GDAP1: variants seen among roughly 807,000 people sequenced by gnomAD.
The protein encoded by GDAP1 is ganglioside induced differentiation associated protein 1.
Under a neutral mutation model 40.1 loss-of-function variants are expected in GDAP1, and 34 were observed. That is an observed-to-expected ratio of 0.85 (90% CI 0.64 to 1.13). The LOEUF (loss-of-function observed/expected upper bound fraction) is 1.13, where lower values mean the gene tolerates loss of function less well. Among genes scored for constraint, GDAP1 ranks in the 50% most tolerant of loss-of-function variants. The probability of loss-of-function intolerance (pLI) is 0.00; values close to 1 mark genes in which losing one functional copy is unlikely to be tolerated. For missense variants in GDAP1, 374 were observed against 433.7 expected (o/e 0.86, Z 1.22); for synonymous variants, 170 against 157.4 (o/e 1.08, Z -0.60).
chr8:74,460,986 G>A, intron 2 of GDAP1, among the ~76,000 whole-genome samples: 1 of 151,930 alleles, frequency 6.6e-6, no homozygotes, highest in East Asian at 1.9e-4. Context: ...CTTGTATTGG[G>A]AGAGGGTATT....
chr8:74,409,614 A>G (rs988077280), intron 2 of GDAP1, among the ~76,000 whole-genome samples: 4 of 149,824 alleles, frequency 2.7e-5, no homozygotes, highest in Non-Finnish European at 2.9e-5. Context: ...CAGCCTCCCA[A>G]TGTTCTGCAA....
chr8:74,378,830 C>A (rs1433743052), intron 2 of GDAP1, among the ~76,000 whole-genome samples: 2 of 152,174 alleles, frequency 1.3e-5, no homozygotes, highest in Admixed American at 1.3e-4. Context: ...ACTGAACAAC[C>A]ACACAACCCA....
chr8:74,427,158 G>A (rs879464705), intron 2 of GDAP1, among the ~76,000 whole-genome samples: 3 of 152,190 alleles, frequency 2.0e-5, no homozygotes, highest in African/African-American at 4.8e-5. Context: ...GAAGAAGCCT[G>A]TATTGGCCTG....
At chr8:74,407,006 C>T (rs1805649345) in intron 2 of GDAP1, among the ~76,000 whole-genome samples, 1 of 149,488 alleles carries the variant, frequency 6.7e-6, no homozygotes, top group South Asian at 2.1e-4. Flanking sequence ...ATAATTTTGT[C>T]TGCTGACATA....
rs1454944741 is a variant in GDAP1, at chr8:74,366,372, A to G, written c.*2005A>G. ...AATGTTTCAAGCAAAGATAGTAATG[A>G]CCTCAGTTTCTGAAATAAGGGCATC... On this transcript the variant is annotated 3_prime_UTR_variant, in exon 6 of 6. Coordinates refer to ENST00000220822, the MANE Select transcript of GDAP1 (RefSeq NM_018972.4). 1 of 454,426 alleles carries G rather than the reference A, an allele frequency of 2.2e-6. No individual in the cohort carries two copies. The highest frequency in any genetic ancestry group is 1.6e-5 in the South Asian group (1 of 64,452). 28.1% of individuals were successfully genotyped at this position (454,426 alleles called of 1,614,324 possible).
chr8:74,380,559 T>G (rs572817746), intron 2 of GDAP1, among the ~76,000 whole-genome samples: 4 of 151,988 alleles, frequency 2.6e-5, no homozygotes, highest in African/African-American at 7.2e-5. Flanking sequence ...TTAAAATTCC[T>G]TTATATATGC....
In GDAP1 at chr8:74,433,592, C is replaced by CT. The variant is rs887438102; in HGVS notation, c.166-55078dup. Among the ~76,000 whole-genome samples, 73 of 151,988 alleles carry CT rather than the reference C, an allele frequency of 4.8e-4. 1 individual carries two copies. The highest frequency in any genetic ancestry group is 1.7e-3 in the African/African-American group (69 of 41,452). ...ATTATGTTGAACCATAGGGAATTGT[C>CT]TTTTTTTTAATGTCAAAATGATTAA... is the stretch of plus-strand genomic sequence containing the variant. On this transcript the variant is annotated intron_variant, in intron 2 of 2. Coordinates refer to the GDAP1 transcript ENST00000523640.
intron 5 of GDAP1, 28 bp downstream of exon 5, chr8:74,363,081 C>A: frequency 1.0e-6 from 1 of 957,768 alleles, no homozygotes; most frequent in Non-Finnish European, 1.7e-6. Context: ...TTCTTTCTCT[C>A]TTTTCAACAT....
chr8:74,401,598 A>G (rs948479367), intron 2 of GDAP1, among the ~76,000 whole-genome samples: 8 of 141,884 alleles, frequency 5.6e-5, no homozygotes, highest in African/African-American at 2.2e-4. Flanking sequence ...GCTGGTGAGG[A>G]AATGCGTTCC....
intron 2 of GDAP1, among the ~76,000 whole-genome samples, chr8:74,486,330 C>T (rs540109526): frequency 1.3e-5 from 2 of 152,154 alleles, no homozygotes; most frequent in South Asian, 4.1e-4. Context: ...CAGCCACAGG[C>T]GGTCACTCTA....
At chr8:74,420,963 T>C (rs759833890) in intron 2 of GDAP1, among the ~76,000 whole-genome samples, 1 of 152,144 alleles carries the variant, frequency 6.6e-6, no homozygotes, top group Non-Finnish European at 1.5e-5. Context: ...ATCCTGAAAC[T>C]CTTCTCTTTC....
At chr8:74,431,087 A>G (rs1586833002) in intron 2 of GDAP1, among the ~76,000 whole-genome samples, 1 of 148,122 alleles carries the variant, frequency 6.8e-6, no homozygotes, top group Non-Finnish European at 1.5e-5. Flanking sequence ...TTTAATTTAT[A>G]CATTTTTCTG....
chr8:74,391,908 TC>T (rs1443759104), intron 2 of GDAP1, among the ~76,000 whole-genome samples: 1 of 152,124 alleles, frequency 6.6e-6, no homozygotes, highest in Non-Finnish European at 1.5e-5. Flanking sequence ...AACCTCTGCC[TC>T]CCGGGTTCAA....
At chr8:74,396,003 G>A (rs936825582) in intron 2 of GDAP1, among the ~76,000 whole-genome samples, 2 of 152,120 alleles carry the variant, frequency 1.3e-5, no homozygotes, top group Admixed American at 1.3e-4. Flanking sequence ...TGTCTCACAT[G>A]TGTAGTAAGG....
intron 2 of GDAP1, among the ~76,000 whole-genome samples, chr8:74,438,083 A>T (rs746171629): frequency 6.6e-6 from 1 of 152,140 alleles, no homozygotes; most frequent in Non-Finnish European, 1.5e-5. Flanking sequence ...ATTCTGGCCA[A>T]CATGGTGAAA....
intron 2 of GDAP1, among the ~76,000 whole-genome samples, chr8:74,387,768 C>G (rs1023626799): frequency 2.1e-4 from 32 of 152,290 alleles, no homozygotes; most frequent in African/African-American, 7.7e-4. Flanking sequence ...ACCAGCTCCT[C>G]TTTTTACCCC....
At chr8:74,386,945 A>G (rs1478817930) in intron 2 of GDAP1, among the ~76,000 whole-genome samples, 1 of 152,188 alleles carries the variant, frequency 6.6e-6, no homozygotes, top group Non-Finnish European at 1.5e-5. Context: ...TCTTTGAAGC[A>G]ATTGTGAATG....
At chr8:74,417,249 C>T (rs955583601) in intron 2 of GDAP1, among the ~76,000 whole-genome samples, 1 of 149,974 alleles carries the variant, frequency 6.7e-6, no homozygotes, top group Non-Finnish European at 1.5e-5. Context: ...AAAATTTCCT[C>T]GACTTGATAA....
In GDAP1 at chr8:74,415,058, T is replaced by C. The variant is rs1401362925; in HGVS notation, c.165+63737T>C. Among the ~76,000 whole-genome samples, 3 of 150,012 alleles carry C rather than the reference T, an allele frequency of 2.0e-5. No individual in the cohort carries two copies. In the East Asian group the frequency reaches 5.8e-4, roughly 29 times the overall value. Reference sequence around the variant, plus strand: ...ATTGCTCAATGAAAAGAACTCTCAATCCAAAATTTATGTCTAGCAAAGATA... The same window carrying C: ...ATTGCTCAATGAAAAGAACTCTCAACCCAAAATTTATGTCTAGCAAAGATA... On this transcript the variant is annotated intron_variant, in intron 2 of 2. Transcript: ENST00000523640.
Sources: gnomAD v4.1 joint callset for allele counts (sites outside exome capture counted in the v4.1 genomes callset) on GRCh38, gnomAD v4.1.1 for gene constraint, MANE v1.5 for transcripts, NCBI Gene and HGNC (gene_info 2026-07-23, HGNC 2026-07-21) for gene names.